Variants in JAG1 observed in about 807,000 individuals in gnomAD.
JAG1 encodes jagged canonical Notch ligand 1.
Under a neutral mutation model 148.7 loss-of-function variants are expected in JAG1, and 23 were observed. That is an observed-to-expected ratio of 0.15 (90% CI 0.11 to 0.22). JAG1 has a LOEUF of 0.22. Ranked by LOEUF, JAG1 falls within the 10% of genes least tolerant of loss-of-function variation. The probability of loss-of-function intolerance (pLI) is 1.00; values close to 1 mark genes in which losing one functional copy is unlikely to be tolerated. For missense variants in JAG1, 1,054 were observed against 1,611.2 expected (o/e 0.65, Z 5.92); for synonymous variants, 572 against 598.3 (o/e 0.96, Z 0.64).
rs555462867 is a variant in JAG1 at position 10,670,701 on chromosome 20, T to C, written c.387+2000A>G. On this transcript the variant is annotated intron_variant, in intron 2 of 25. Transcript: ENST00000254958. The stretch of plus-strand genomic sequence containing the variant: ...GGGCATCAGGGTGGAGACTTGTTTA[T>C]GAGTGATACATGCGTTTGTCCCAAC... 3.9e-5 allele frequency among the ~76,000 whole-genome samples: 6 copies of C among 152,324 alleles called. No individual in the cohort carries two copies. The East Asian group carries it at 1.2e-3, about 29-fold the overall frequency.
At chr20:10,672,164 C>G (rs151182374) in intron 2 of JAG1, among the ~76,000 whole-genome samples, 426 of 152,268 alleles carry the variant, frequency 2.8e-3, no homozygotes, top group Admixed American at 0.011. Flanking sequence ...ACCTGGAGAG[C>G]GCCCCCGCAC....
rs902081590 is a variant in JAG1, at chr20:10,654,970, C to T, written c.755+1428G>A. ...ACTGCCATTGGGACTTTCTCCAGAA[C>T]ACCCTTAATTAGGAAGAGTTAAGGT... On this transcript the variant is annotated intron_variant, in intron 5 of 25. Coordinates refer to ENST00000254958, the MANE Select transcript of JAG1 (RefSeq NM_000214.3). Among the ~76,000 whole-genome samples the T allele has an allele frequency of 3.3e-5, 5 of 152,324 alleles. No individual in the cohort carries two copies. In the South Asian group the frequency reaches 1.0e-3, roughly 32 times the overall value.
intron 14 of JAG1, among the ~76,000 whole-genome samples, chr20:10,646,681 C>T (rs1251197477): frequency 3.3e-5 from 5 of 151,878 alleles, no homozygotes; most frequent in South Asian, 2.1e-4. Context: ...GCGTGGTGGG[C>T]GTGGTGCGCA....
chr20:10,662,652 G>A (rs1425434645), intron 3 of JAG1: 7 of 152,182 alleles, frequency 4.6e-5, no homozygotes, highest in East Asian at 1.9e-4. Flanking sequence ...AGTCCTCAAC[G>A]TTTGTGGCAG....
At position 10,656,463 on chromosome 20, in the gene JAG1, A is replaced by G. The variant is rs1458964091; in HGVS notation, c.695-5T>C. 2 of 1,613,506 alleles carry G rather than the reference A, an allele frequency of 1.2e-6. No individual in the cohort carries two copies. Among genetic ancestry groups the G allele is most frequent in the Non-Finnish European group, 1.7e-6 (2 of 1,179,526 alleles). On this transcript the variant is annotated splice_region_variant and splice_polypyrimidine_tract_variant and intron_variant, in intron 4 of 25. Coordinates refer to ENST00000254958, the MANE Select transcript of JAG1 (RefSeq NM_000214.3). ...TGCAGCCTTGTCGGCAAATAGCTGT[A>G]AAAAACAGAGAAGGGCGTGTCAGCA...
At chr20:10,640,202 C>T (rs2067260769) in intron 25 of JAG1, among the ~76,000 whole-genome samples, 1 of 152,236 alleles carries the variant, frequency 6.6e-6, no homozygotes, top group Non-Finnish European at 1.5e-5. Context: ...GCAGCTCCTA[C>T]AGGCTCTTTG....
intron 5 of JAG1, among the ~76,000 whole-genome samples, chr20:10,653,342 A>G (rs994539984): frequency 2.7e-5 from 4 of 148,464 alleles, no homozygotes; most frequent in Non-Finnish European, 4.4e-5. Flanking sequence ...CTTTTATATA[A>G]GCACCTTGAT....
chr20:10,644,705 C>T, intron 18 of JAG1, 158 bp downstream of exon 18: 1 of 707,418 alleles, frequency 1.4e-6, no homozygotes, highest in Non-Finnish European at 2.6e-6. Context: ...TTCTCATGCC[C>T]AGGTCAGGGC....
chr20:10,644,067 G>GA lies in JAG1; in HGVS notation c.2373-205dup, dbSNP rs528934131. Among the ~76,000 whole-genome samples, 288 of 152,252 alleles carry GA rather than the reference G, an allele frequency of 1.9e-3. 1 individual carries two copies. Among genetic ancestry groups the GA allele is most frequent in the African/African-American group, 6.1e-3 (253 of 41,524 alleles). ...GTCTTGGTTGCAGCCCAGGCAGCGG[G>GA]ATTTTTAAAAGCTCCCAGGTGATTC... is the stretch of plus-strand genomic sequence containing the variant. On this transcript the variant is annotated intron_variant, in intron 19 of 25. Coordinates refer to ENST00000254958, the MANE Select transcript of JAG1 (RefSeq NM_000214.3).
In JAG1 at chr20:10,672,915, G is replaced by C. The variant is rs1314859221; in HGVS notation, c.173C>G (p.Ala58Gly). The change falls in exon 2 of 26, where the codon GCC becomes GGC. Residue 58 changes from alanine to glycine, a missense_variant. Around this residue, in one of 6 missense-constraint regions of JAG1, gnomAD observed 151 missense variants for 211.1 expected, o/e 0.72. Coordinates refer to ENST00000254958, the MANE Select transcript of JAG1 (RefSeq NM_000214.3). ...GCACTTGCGGTCTCCCGGGTTCCGGGCGCCGCCGCAGCAGTTCCCGTTCTG... is the reference window on the plus strand; with the variant it reads ...GCACTTGCGGTCTCCCGGGTTCCGGCCGCCGCCGCAGCAGTTCCCGTTCTG... The part of the protein sequence containing the change: ...ELQNGNCCGG[A>G]RNPGDRKCTR... The C allele has an allele frequency of 1.2e-6, 2 of 1,613,140 alleles. No individual in the cohort carries two copies. Among genetic ancestry groups the C allele is most frequent in the South Asian group, 2.2e-5 (2 of 91,090 alleles).
At position 10,644,845 on chromosome 20, in the gene JAG1, AG is replaced by A. The variant is rs774508190; in HGVS notation, c.2344+17del. ...GCTCCGACAGCCCTGGGAGAGTTCA[AG>A]GGGGGAGGACACTCACTCTGAGCAC... On this transcript the variant is annotated intron_variant, in intron 18 of 25. Coordinates refer to ENST00000254958, the MANE Select transcript of JAG1 (RefSeq NM_000214.3). The A allele has an allele frequency of 1.6e-5, 25 of 1,567,892 alleles. No homozygotes were observed. The African/African-American group carries it at 2.7e-4, about 17-fold the overall frequency.
Position 10,658,496 on chromosome 20 carries a change from T to C in JAG1, c.666A>G (p.Glu222=). 1 of 1,614,210 alleles carries C rather than the reference T, an allele frequency of 6.2e-7. No individual in the cohort carries two copies. Among genetic ancestry groups the C allele is most frequent in the Middle Eastern group, 1.7e-4 (1 of 6,060 alleles). The part of the protein sequence containing the change: ...CDQNGNKTCM[E]GWMGPECNRA... ...TGTTACATTCGGGGCCCATCCAGCC[T>C]TCCATGCAAGTTTTGTTGCCATTCT... is the stretch of plus-strand genomic sequence containing the variant. The change falls in exon 4 of 26, where the codon GAA becomes GAG. Residue 222 remains glutamate, a synonymous_variant. Transcript: ENST00000254958.
In JAG1 at chr20:10,661,105, CTATA is replaced by C. The variant is rs537774703; in HGVS notation, c.440-2387_440-2384del. ...CTAGGGGAGAAAGAAATTTGGAACT[CTATA>C]TACCACAGTCCCAAAATGTAATAAA... On this transcript the variant is annotated intron_variant, in intron 3 of 25. Transcript: ENST00000254958. 2.8e-4 allele frequency among the ~76,000 whole-genome samples: 42 copies of C among 152,286 alleles called. 1 individual carries two copies. In the South Asian group the frequency reaches 6.4e-3, roughly 23 times the overall value.
rs375431219 is a variant in JAG1, at chr20:10,639,652, G to C, written c.3503C>G (p.Ala1168Gly). 5 of 1,614,100 alleles carry C rather than the reference G, an allele frequency of 3.1e-6. No individual in the cohort carries two copies. In the African/African-American group the frequency reaches 5.3e-5, roughly 17 times the overall value. ...EDDMDKHQQK[A>G]RFAKQPAYTL... ...GTACGCCGGCTGCTTGGCAAACCGG[G>C]CTTTCTGCTGGTGTTTGTCCATGTC... Residue 1168 changes from alanine (A) to glycine (G), a missense_variant, in exon 26 of 26, where the codon GCC becomes GGC. Transcript: ENST00000254958.
intron 3 of JAG1, among the ~76,000 whole-genome samples, chr20:10,659,693 A>G (rs1327448774): frequency 1.3e-5 from 2 of 151,390 alleles, no homozygotes; most frequent in African/African-American, 4.9e-5. Context: ...TGGGAGAATA[A>G]TTCACCAAAG....
chr20:10,666,074 C>A (rs945886805), intron 2 of JAG1, among the ~76,000 whole-genome samples: 1 of 152,100 alleles, frequency 6.6e-6, no homozygotes, highest in African/African-American at 2.4e-5. Flanking sequence ...CAGGGAGCTA[C>A]AGTGACGGCA....
Position 10,639,260 on chromosome 20 carries a change from G to A in JAG1, c.*238C>T. On this transcript the variant is annotated 3_prime_UTR_variant, in exon 26 of 26. Coordinates refer to ENST00000254958, the MANE Select transcript of JAG1 (RefSeq NM_000214.3). ...AGCCTGATCCGAGACCGTGTCGGCT[G>A]CAAGGGGACACACAACCAGGGTACT... 1 of 568,224 alleles carries A rather than the reference G, an allele frequency of 1.8e-6. No individual in the cohort carries two copies. The allele number at this position is 568,224 out of a possible 1,614,324, so 35.2% of individuals were successfully genotyped here.
chr20:10,652,124 C>A lies in JAG1; in HGVS notation c.1006+7G>T, dbSNP rs762379208. ...CAAAGGGCTCTCATTCATCTTGGAC[C>A]ACTTACCAATTTCACAGTTGGGTCC... On this transcript the variant is annotated splice_region_variant and intron_variant, in intron 7 of 25. Coordinates refer to ENST00000254958, the MANE Select transcript of JAG1 (RefSeq NM_000214.3). The A allele has an allele frequency of 3.7e-6, 6 of 1,613,696 alleles. No individual in the cohort carries two copies. In the African/African-American group the frequency reaches 6.7e-5, roughly 18 times the overall value.
chr20:10,665,674 G>A (rs1032530793), intron 2 of JAG1, among the ~76,000 whole-genome samples: 3 of 152,150 alleles, frequency 2.0e-5, no homozygotes, highest in Non-Finnish European at 2.9e-5. Flanking sequence ...TGGTCACGTT[G>A]AGGCCCACGT....
Sources: gnomAD v4.1 joint callset for allele counts (sites outside exome capture counted in the v4.1 genomes callset) on GRCh38, gnomAD v4.1.1 for gene constraint, gnomAD v4.1.1 regional missense constraint, MANE v1.5 for transcripts, NCBI Gene and HGNC (gene_info 2026-07-23, HGNC 2026-07-21) for gene names.